Variants in ADAM9 observed in about 807,000 individuals in gnomAD.
ADAM9 encodes ADAM metallopeptidase domain 9.
A neutral mutation model predicts 108.1 loss-of-function variants in ADAM9; 54 were observed. The observed-to-expected ratio is 0.50, with a 90% confidence interval of 0.40 to 0.63. The LOEUF (loss-of-function observed/expected upper bound fraction) is 0.63, where lower values mean the gene tolerates loss of function less well. Ranked by LOEUF, ADAM9 falls within the 20% of genes least tolerant of loss-of-function variation. The pLI, the probability that ADAM9 is intolerant of heterozygous loss-of-function variation, is 0.00. For missense variants in ADAM9, 830 were observed against 997.7 expected, an observed-to-expected ratio of 0.83 and a Z score of 2.26; for synonymous variants, 316 against 336.0, an observed-to-expected ratio of 0.94 and a Z score of 0.65.
rs775828708 is a variant in ADAM9 at position 39,071,251 on chromosome 8, A to T, written c.1592-47A>T. On this transcript the variant is annotated intron_variant, in intron 14 of 21. Transcript: ENST00000487273. The stretch of plus-strand genomic sequence containing the variant: ...GGGAATACTTTTATTTCAAAAGCTA[A>T]ATTGCCATAACTTTTTTTTTCTTTT... 4 of 1,570,646 alleles carry T rather than the reference A, an allele frequency of 2.5e-6. No individual in the cohort carries two copies. In the South Asian group the frequency reaches 4.5e-5, roughly 18 times the overall value.
rs757409679 is a variant in ADAM9 at position 39,083,019 on chromosome 8, A to T, written c.2014A>T (p.Asn672Tyr). The T allele has an allele frequency of 6.2e-7, 1 of 1,613,986 alleles. No homozygotes were observed. The highest frequency in any genetic ancestry group is 1.7e-5 in the Admixed American group (1 of 60,024). The change falls in exon 18 of 22, where the codon AAT becomes TAT. Residue 672 changes from asparagine (N) to tyrosine (Y), a missense_variant. Physicochemically the swap from Asn to Tyr is moderately radical, Grantham distance 143 (BLOSUM62 -2). Coordinates refer to ENST00000487273, the MANE Select transcript of ADAM9 (RefSeq NM_003816.3). ...CTGTGAAAATGGCTGGGCTCCCCCA[A>T]ATTGTGAGACTAAAGGATACGGAGG... ...CHCENGWAPP[N>Y]CETKGYGGSV...
intron 12 of ADAM9, 55 bp from the exon 13 acceptor site, chr8:39,054,426 T>G: frequency 2.7e-5 from 39 of 1,437,356 alleles, no homozygotes; most frequent in Non-Finnish European, 3.5e-5. Context: ...ATTTTATTAA[T>G]GAGTATTCAT....
intron 3 of ADAM9, among the ~76,000 whole-genome samples, chr8:39,012,073 A>T (rs183897509): frequency 6.6e-6 from 1 of 152,224 alleles, no homozygotes; most frequent in Non-Finnish European, 1.5e-5. Flanking sequence ...CTACTCACAT[A>T]GACTTTAATA....
chr8:39,039,915 T>G (rs1449831138), intron 11 of ADAM9, among the ~76,000 whole-genome samples: 2 of 152,208 alleles, frequency 1.3e-5, no homozygotes, highest in African/African-American at 4.8e-5. Context: ...CTGGGTCATA[T>G]GATAGTTCTG....
chr8:39,047,098 T>G (rs1837799779), intron 12 of ADAM9, among the ~76,000 whole-genome samples: 1 of 152,220 alleles, frequency 6.6e-6, no homozygotes, highest in Non-Finnish European at 1.5e-5. Context: ...TATTGAGCCT[T>G]AATTGATTTT....
At chr8:39,072,043 AC>A (rs1166241522) in intron 15 of ADAM9, among the ~76,000 whole-genome samples, 4 of 152,326 alleles carry the variant, frequency 2.6e-5, no homozygotes, top group Middle Eastern at 3.4e-3. Flanking sequence ...AGATAAAGGT[AC>A]CTGCAGAAGA....
chr8:39,010,153 G>C (rs1187656993), intron 2 of ADAM9, among the ~76,000 whole-genome samples: 2 of 151,918 alleles, frequency 1.3e-5, no homozygotes, highest in East Asian at 3.9e-4. Flanking sequence ...TAGAAGGAGG[G>C]GGGTGAACAA....
chr8:39,037,748 G>T (rs964814075), intron 11 of ADAM9, among the ~76,000 whole-genome samples: 11 of 152,084 alleles, frequency 7.2e-5, no homozygotes, highest in Non-Finnish European at 1.3e-4. Flanking sequence ...TGTAGCAGGC[G>T]CTGTGCTTAC....
At position 39,011,647 on chromosome 8, in the gene ADAM9, T is replaced by C. The variant is rs1253451888; in HGVS notation, c.196-11T>C. 6.2e-7 allele frequency: 1 copy of C among 1,605,830 alleles called. No individual in the cohort carries two copies. Among genetic ancestry groups the C allele is most frequent in the Non-Finnish European group, 8.5e-7 (1 of 1,172,812 alleles). ...ATGATGTTTTATTCTTTTCCCCTTC[T>C]GTGCATTTAGGTATCTTATGTTATT... On this transcript the variant is annotated splice_polypyrimidine_tract_variant and intron_variant, in intron 2 of 21. Coordinates refer to ENST00000487273, the MANE Select transcript of ADAM9 (RefSeq NM_003816.3).
intron 1 of ADAM9, among the ~76,000 whole-genome samples, chr8:38,999,328 CTTTTTT>C (rs33913641): frequency 6.8e-6 from 1 of 147,452 alleles, no homozygotes; most frequent in Non-Finnish European, 1.5e-5. Flanking sequence ...TTTCAGTAAA[CTTTTTT>C]TTTTTTTTTA....
chr8:39,018,852 GAGA>G lies in ADAM9; in HGVS notation c.613_615del (p.Arg205del). 2 of 1,613,992 alleles carry G rather than the reference GAGA, an allele frequency of 1.2e-6. No individual in the cohort carries two copies. The highest frequency in any genetic ancestry group is 1.3e-5 in the African/African-American group (1 of 75,034). Reference sequence around the variant, plus strand: ...CTTTATGATGTTTGTGTTTTTGACAGAGAAGAAGAGCTGTCTTGCCACAGACCC... The same window carrying G: ...CTTTATGATGTTTGTGTTTTTGACAGAGAAGAGCTGTCTTGCCACAGACCC... On this transcript the variant is annotated inframe_deletion and splice_region_variant, in exon 7 of 22. Transcript: ENST00000487273.
chr8:39,100,767 A>G lies in ADAM9; in HGVS notation c.2299-1096A>G, dbSNP rs140328010. Among the ~76,000 whole-genome samples the G allele has an allele frequency of 2.5e-4, 38 of 152,366 alleles. No homozygotes were observed. The East Asian group carries it at 6.7e-3, about 27-fold the overall frequency. ...CCACTGTGCATTCTCTGCCAGTCAT[A>G]GAACTTTAGGAGTTAACAGTAGATA... On this transcript the variant is annotated intron_variant, in intron 20 of 21. Transcript: ENST00000487273.
At chr8:39,086,041 G>A (rs1257617183) in intron 18 of ADAM9, among the ~76,000 whole-genome samples, 1 of 151,798 alleles carries the variant, frequency 6.6e-6, no homozygotes, top group Non-Finnish European at 1.5e-5. Flanking sequence ...TTGAGACAGA[G>A]TCTTGCTCTA....
intron 11 of ADAM9, among the ~76,000 whole-genome samples, chr8:39,032,383 C>T (rs1224677803): frequency 4.6e-5 from 7 of 152,266 alleles, no homozygotes; most frequent in Non-Finnish European, 1.0e-4. Flanking sequence ...CAATGGCAGA[C>T]GCCCCTCCCC....
chr8:39,014,001 C>G lies in ADAM9; in HGVS notation c.291C>G (p.Tyr97Ter), dbSNP rs753572901. The change falls in exon 4 of 22, where the codon TAC (tyrosine) becomes TAG (stop). Residue 97 changes from tyrosine (Y) to a stop codon, truncating the protein, a stop_gained. Coordinates refer to ENST00000487273, the MANE Select transcript of ADAM9 (RefSeq NM_003816.3). LOFTEE classifies it high-confidence loss of function. The part of the protein sequence containing the change: ...LLPEDFVVYT[Y>*]NKEGTLITDH... ...CTGAAGATTTTGTGGTTTATACTTA[C>G]AACAAGGAAGGGACTTTAATCACTG... 2 of 1,613,494 alleles carry G rather than the reference C, an allele frequency of 1.2e-6. No individual in the cohort carries two copies. The highest frequency in any genetic ancestry group is 1.7e-6 in the Non-Finnish European group (2 of 1,179,720).
At chr8:39,053,730 G>A (rs549359785) in intron 12 of ADAM9, among the ~76,000 whole-genome samples, 7 of 152,192 alleles carry the variant, frequency 4.6e-5, no homozygotes, top group Non-Finnish European at 1.0e-4. Flanking sequence ...GTGGCCCAGA[G>A]TATAGTGAGA....
At chr8:39,076,514 A>G (rs1382649938) in intron 15 of ADAM9, among the ~76,000 whole-genome samples, 3 of 152,222 alleles carry the variant, frequency 2.0e-5, no homozygotes, top group Non-Finnish European at 2.9e-5. Context: ...CTGGGCAGTG[A>G]TATCATAGAG....
At chr8:39,068,809 C>G (rs931185868) in intron 14 of ADAM9, among the ~76,000 whole-genome samples, 1 of 149,468 alleles carries the variant, frequency 6.7e-6, no homozygotes, top group Non-Finnish European at 1.5e-5. Flanking sequence ...AGTTCATCCC[C>G]TTGTTTTTAG....
At chr8:39,008,173 C>CTT (rs35261462) in intron 2 of ADAM9, among the ~76,000 whole-genome samples, 190 bp downstream of exon 2, 25 of 146,862 alleles carry the variant, frequency 1.7e-4, no homozygotes, top group Admixed American at 2.7e-4. Context: ...CCTTAATATC[C>CTT]TTTTTTTTTT....
Sources: allele counts gnomAD v4.1 joint callset (sites outside exome capture counted in the v4.1 genomes callset), GRCh38; gene constraint gnomAD v4.1.1; transcripts MANE v1.5; gene names NCBI Gene and HGNC (gene_info 2026-07-23, HGNC 2026-07-21).